ELP4: variants seen among roughly 807,000 people sequenced by gnomAD.
The protein encoded by ELP4 is elongator acetyltransferase complex subunit 4.
A neutral mutation model predicts 48.9 loss-of-function variants in ELP4; 51 were observed. The ratio of observed to expected loss-of-function variants is 1.04; its 90% CI spans 0.83 to 1.32. The LOEUF (loss-of-function observed/expected upper bound fraction) is 1.32, where lower values mean the gene tolerates loss of function less well. ELP4 is among the 40% of genes most tolerant of loss of function. The probability of loss-of-function intolerance (pLI) is 0.00; values close to 1 mark genes in which losing one functional copy is unlikely to be tolerated. For missense variants in ELP4, 519 were observed against 514.6 expected (o/e 1.01, Z -0.08); for synonymous variants, 210 against 189.2 (o/e 1.11, Z -0.90).
chr11:31,603,008 G>T (rs1289214344), intron 4 of ELP4, among the ~76,000 whole-genome samples: 1 of 151,810 alleles, frequency 6.6e-6, no homozygotes, highest in East Asian at 1.9e-4. Context: ...GTAGACTTTT[G>T]CTATCCCATA....
At chr11:31,644,572 T>C (rs760046025) in intron 7 of ELP4, among the ~76,000 whole-genome samples, 10 of 151,858 alleles carry the variant, frequency 6.6e-5, no homozygotes, top group Non-Finnish European at 1.5e-4. Context: ...TTATCCATAG[T>C]GTATTCCTGC....
At chr11:31,681,927 G>A (rs966177925) in intron 9 of ELP4, 1 of 399,840 alleles carries the variant, frequency 2.5e-6, no homozygotes, top group African/African-American at 2.2e-5. Context: ...TTTTAGTAGA[G>A]ATGGGGTTCC....
At chr11:31,754,196 C>G (rs964611898) in intron 9 of ELP4, among the ~76,000 whole-genome samples, 4 of 152,144 alleles carry the variant, frequency 2.6e-5, no homozygotes, top group African/African-American at 9.7e-5. Context: ...AATTGTCTAC[C>G]CACACTTGTT....
At chr11:31,719,096 G>A (rs75879761) in intron 9 of ELP4, among the ~76,000 whole-genome samples, 2,813 of 151,872 alleles carry the variant, frequency 0.019, 91 homozygotes, top group African/African-American at 0.063. Flanking sequence ...TCGTCTCTAC[G>A]CATAATTTAA....
At chr11:31,716,705 T>G (rs1316925843) in intron 9 of ELP4, among the ~76,000 whole-genome samples, 2 of 152,216 alleles carry the variant, frequency 1.3e-5, no homozygotes, top group African/African-American at 4.8e-5. Context: ...TACAAAGATA[T>G]ATCAAGTACC....
chr11:31,669,841 A>G (rs1314143993), intron 9 of ELP4, among the ~76,000 whole-genome samples: 2 of 152,162 alleles, frequency 1.3e-5, no homozygotes, highest in East Asian at 3.9e-4. Flanking sequence ...TCCAAACCCA[A>G]ACTAAACTGT....
intron 3 of ELP4, among the ~76,000 whole-genome samples, chr11:31,568,428 A>G (rs1219322932): frequency 6.6e-6 from 1 of 152,218 alleles, no homozygotes; most frequent in Non-Finnish European, 1.5e-5. Flanking sequence ...ACAGAATTAG[A>G]AAACGTTATT....
At chr11:31,601,862 A>T (rs907144819) in intron 4 of ELP4, among the ~76,000 whole-genome samples, 31 of 152,036 alleles carry the variant, frequency 2.0e-4, no homozygotes. Flanking sequence ...GAGGCTTCTG[A>T]CATAGACCAA....
chr11:31,549,141 C>G lies in ELP4; in HGVS notation c.381+9358C>G, dbSNP rs570157239. ...AAAAGCCAAAATTGACAAATGGGAT[C>G]TAATTAAACTAAAGAGCTTCTGCAC... On this transcript the variant is annotated intron_variant, in intron 3 of 9. Coordinates refer to ENST00000640961, the MANE Select transcript of ELP4 (RefSeq NM_019040.5). 4.4e-4 allele frequency among the ~76,000 whole-genome samples: 67 copies of G among 151,660 alleles called. No individual in the cohort carries two copies. In the East Asian group the frequency reaches 9.9e-3, roughly 22 times the overall value.
intron 9 of ELP4, among the ~76,000 whole-genome samples, chr11:31,679,577 G>C (rs528369624): frequency 3.9e-5 from 6 of 152,102 alleles, no homozygotes; most frequent in African/African-American, 1.2e-4. Context: ...TATTGGATTA[G>C]GACACACCCT....
chr11:31,632,207 T>G lies in ELP4; in HGVS notation c.739-10T>G. 1 of 1,594,838 alleles carries G rather than the reference T, an allele frequency of 6.3e-7. No individual in the cohort carries two copies. The highest frequency in any genetic ancestry group is 1.4e-5 in the African/African-American group (1 of 73,680). The stretch of plus-strand genomic sequence containing the variant: ...CTTTATATGTTTGCTTTTTTCCCAC[T>G]TTCTTTTAGAAAAAACAGAGAAACA... On this transcript the variant is annotated splice_polypyrimidine_tract_variant and intron_variant, in intron 6 of 9. Coordinates refer to ENST00000640961, the MANE Select transcript of ELP4 (RefSeq NM_019040.5).
intron 3 of ELP4, among the ~76,000 whole-genome samples, chr11:31,554,852 A>G (rs936901328): frequency 2.0e-5 from 3 of 152,316 alleles, no homozygotes; most frequent in East Asian, 1.9e-4. Context: ...ATGTATTATC[A>G]AAGATATTAT....
chr11:31,557,127 A>G (rs1956943739), intron 3 of ELP4, among the ~76,000 whole-genome samples: 1 of 151,930 alleles, frequency 6.6e-6, no homozygotes, highest in African/African-American at 2.4e-5. Context: ...GTAATAAAGC[A>G]ATACATATAA....
chr11:31,571,518 C>T (rs1024173499), intron 3 of ELP4, among the ~76,000 whole-genome samples: 1 of 152,212 alleles, frequency 6.6e-6, no homozygotes, highest in African/African-American at 2.4e-5. Flanking sequence ...TTTTGACCTC[C>T]TCTCGTGAAT....
At chr11:31,717,110 A>G (rs984208521) in intron 9 of ELP4, among the ~76,000 whole-genome samples, 1 of 152,226 alleles carries the variant, frequency 6.6e-6, no homozygotes, top group African/African-American at 2.4e-5. Flanking sequence ...ATGGCCACAA[A>G]TGCCGTAAAC....
At chr11:31,581,006 T>G (rs1957381801) in intron 3 of ELP4, among the ~76,000 whole-genome samples, 1 of 152,232 alleles carries the variant, frequency 6.6e-6, no homozygotes, top group Non-Finnish European at 1.5e-5. Context: ...ACAGTCTATA[T>G]TTCTCCTTTC....
In ELP4 at chr11:31,784,965, C is replaced by T. The variant is rs1948495301; in HGVS notation, c.*1441C>T. On this transcript the variant is annotated 3_prime_UTR_variant, in exon 10 of 10. Coordinates refer to ENST00000640961, the MANE Select transcript of ELP4 (RefSeq NM_019040.5). ...TTCATTAGTACTAAAAATCAGGTTTCTTATTCTATTTTTTTAGAATGTCGG... is the reference window on the plus strand; with the variant it reads ...TTCATTAGTACTAAAAATCAGGTTTTTTATTCTATTTTTTTAGAATGTCGG... 1 of 180,218 alleles carries T rather than the reference C, an allele frequency of 5.5e-6. No individual in the cohort carries two copies. 11.2% of individuals were successfully genotyped at this position (180,218 alleles called of 1,614,324 possible).
At chr11:31,510,399 A>G in intron 1 of ELP4, 1 of 416,248 alleles carries the variant, frequency 2.4e-6, no homozygotes, top group Non-Finnish European at 4.3e-6. Flanking sequence ...AGCCTGCAAA[A>G]GTTTTTATAA....
At chr11:31,550,329 A>G (rs1021713905) in intron 3 of ELP4, among the ~76,000 whole-genome samples, 2 of 152,108 alleles carry the variant, frequency 1.3e-5, no homozygotes, top group African/African-American at 2.4e-5. Flanking sequence ...CGCATGATGG[A>G]TATATTTTTT....
Sources: allele counts gnomAD v4.1 joint callset (sites outside exome capture counted in the v4.1 genomes callset), GRCh38; gene constraint gnomAD v4.1.1; transcripts MANE v1.5; gene names NCBI Gene and HGNC (gene_info 2026-07-23, HGNC 2026-07-21).